Variants in TMOD3 observed in about 807,000 individuals in gnomAD.
TMOD3 encodes the protein tropomodulin 3, also known as tropomodulin-3.
A neutral mutation model predicts 39.2 loss-of-function variants in TMOD3; 20 were observed. The ratio of observed to expected loss-of-function variants is 0.51; its 90% CI spans 0.36 to 0.74. TMOD3 has a LOEUF of 0.74. TMOD3 is among the 30% of genes least tolerant of loss of function. The probability of loss-of-function intolerance (pLI) is 0.00; values close to 1 mark genes in which losing one functional copy is unlikely to be tolerated. For missense variants in TMOD3, 381 were observed against 412.8 expected, an observed-to-expected ratio of 0.92 and a Z score of 0.67; for synonymous variants, 143 against 145.8, an observed-to-expected ratio of 0.98 and a Z score of 0.14.
chr15:51,839,178 T>TTTTTTTTTTTTTTTC (rs2056301402), intron 1 of TMOD3, among the ~76,000 whole-genome samples: 1 of 147,644 alleles, frequency 6.8e-6, no homozygotes, highest in Admixed American at 6.9e-5. Context: ...TTTTTTTTTT[T>TTTTTTTTTTTTTTTC]CCATTTTGTT....
intron 6 of TMOD3, among the ~76,000 whole-genome samples, chr15:51,894,745 G>A (rs753189387): frequency 5.5e-4 from 83 of 152,110 alleles, no homozygotes; most frequent in Non-Finnish European, 1.3e-4. Context: ...TGTCAGATAC[G>A]CTGCAGTTTG....
chr15:51,853,343 G>A lies in TMOD3; in HGVS notation c.-74-9468G>A, dbSNP rs772069293. On this transcript the variant is annotated intron_variant, in intron 1 of 9. Coordinates refer to ENST00000308580, the MANE Select transcript of TMOD3 (RefSeq NM_014547.5). ...CGGCCTCCTACTAGCTGGGCCTACA[G>A]ACGTGGGCCATCATGCCTGGCTAGT... 2.0e-4 allele frequency among the ~76,000 whole-genome samples: 30 copies of A among 152,128 alleles called. 1 individual carries two copies. Among genetic ancestry groups the A allele is most frequent in the Non-Finnish European group, 4.1e-4 (28 of 68,024 alleles).
intron 1 of TMOD3, among the ~76,000 whole-genome samples, chr15:51,832,249 G>A (rs1445954621): frequency 2.0e-5 from 2 of 97,566 alleles, no homozygotes; most frequent in African/African-American, 3.5e-5. Flanking sequence ...CATGGTTCCT[G>A]TCTAGGACCT....
chr15:51,861,148 G>C (rs116493708), intron 1 of TMOD3: 23 of 502,970 alleles, frequency 4.6e-5, no homozygotes, highest in Non-Finnish European at 8.5e-5. Context: ...TCCTTGAAAA[G>C]GGCTCTTTCC....
chr15:51,868,315 C>T (rs77323334), intron 2 of TMOD3, among the ~76,000 whole-genome samples: 1 of 63,734 alleles, frequency 1.6e-5, no homozygotes, highest in African/African-American at 4.3e-5. Context: ...TTAAAAAAAA[C>T]GTTTTAAGTT....
rs1275288660 is a variant in TMOD3 at position 51,913,270 on chromosome 15, C to G, written c.*4460C>G. 2 of 152,230 alleles carry G rather than the reference C, an allele frequency of 1.3e-5. No homozygotes were observed. Among genetic ancestry groups the G allele is most frequent in the African/African-American group, 4.8e-5 (2 of 41,474 alleles). 9.4% of individuals were successfully genotyped at this position (152,230 alleles called of 1,614,324 possible). ...TACAGGCTTGAGCCACCACACTCAG[C>G]CTTATTCTTATATTTTAATTTGGTC... On this transcript the variant is annotated 3_prime_UTR_variant, in exon 10 of 10. Transcript: ENST00000308580.
At chr15:51,877,337 A>G (rs7176421) in intron 3 of TMOD3, among the ~76,000 whole-genome samples, 28,283 of 152,036 alleles carry the variant, frequency 0.19, 3,573 homozygotes, top group East Asian at 0.55. Context: ...TCTGGGGTGC[A>G]GTTAAGTTAC....
At chr15:51,895,260 A>C (rs917037183) in intron 6 of TMOD3, among the ~76,000 whole-genome samples, 3 of 145,766 alleles carry the variant, frequency 2.1e-5, no homozygotes, top group African/African-American at 7.7e-5. Context: ...TCTGTTGCCC[A>C]GGCTGGAGTG....
rs1364864096 is a variant in TMOD3 at position 51,868,634 on chromosome 15, G to A, written c.127-583G>A. On this transcript the variant is annotated intron_variant, in intron 2 of 9. Transcript: ENST00000308580. ...TATCCCAGAACACTTAAAAACTAAA[G>A]ATTGTTTTCTGCTAGTAGAATCCTC... Among the ~76,000 whole-genome samples the A allele has an allele frequency of 3.3e-5, 5 of 152,156 alleles. No homozygotes were observed. In the South Asian group the frequency reaches 8.3e-4, roughly 25 times the overall value.
chr15:51,902,931 G>A lies in TMOD3; in HGVS notation c.1024+895G>A, dbSNP rs184232491. Among the ~76,000 whole-genome samples, 229 of 152,102 alleles carry A rather than the reference G, an allele frequency of 1.5e-3. 10 individuals carry two copies. Among genetic ancestry groups the A allele is most frequent in the East Asian group, 0.01 (54 of 5,162 alleles). ...CTCCCAAAGTGCTGGGATTACAAGC[G>A]TGAGCCACCGCGCCCGGCCAATTTT... On this transcript the variant is annotated intron_variant, in intron 9 of 9. Coordinates refer to ENST00000308580, the MANE Select transcript of TMOD3 (RefSeq NM_014547.5).
chr15:51,890,337 A>ATTTTT (rs34989450), intron 5 of TMOD3, among the ~76,000 whole-genome samples: 3 of 128,238 alleles, frequency 2.3e-5, no homozygotes, highest in Non-Finnish European at 4.9e-5. Flanking sequence ...TGTCCAGCTA[A>ATTTTT]TTTTTTTTTT....
chr15:51,888,312 A>T (rs1196716276), intron 4 of TMOD3, among the ~76,000 whole-genome samples: 2 of 152,250 alleles, frequency 1.3e-5, no homozygotes, highest in African/African-American at 4.8e-5. Context: ...TAACCCCAGG[A>T]ACTAATAAAT....
chr15:51,915,649 G>T lies in TMOD3; in HGVS notation c.*6839G>T, dbSNP rs529756537. 1 of 152,222 alleles carries T rather than the reference G, an allele frequency of 6.6e-6. No homozygotes were observed. Among genetic ancestry groups the T allele is most frequent in the African/African-American group, 2.4e-5 (1 of 41,518 alleles). The allele number at this position is 152,222 out of a possible 1,614,324, so 9.4% of individuals were successfully genotyped here. On this transcript the variant is annotated 3_prime_UTR_variant, in exon 10 of 10. Transcript: ENST00000308580. ...CAGTGAAGTTTCTTTTGAAGACTATGTACTGGAAGCATTTAGAACTTACCA... is the reference window on the plus strand; with the variant it reads ...CAGTGAAGTTTCTTTTGAAGACTATTTACTGGAAGCATTTAGAACTTACCA...
intron 9 of TMOD3, among the ~76,000 whole-genome samples, chr15:51,907,851 GA>G (rs1434685511): frequency 6.6e-6 from 1 of 152,190 alleles, no homozygotes; most frequent in Non-Finnish European, 1.5e-5. Context: ...ACCAGTCCAG[GA>G]AGAGGCTGGT....
intron 5 of TMOD3, 55 bp from the exon 6 acceptor site, chr15:51,893,760 G>C (rs536131177): frequency 1.3e-5 from 17 of 1,353,922 alleles, no homozygotes; most frequent in Non-Finnish European, 1.6e-5. Context: ...GCGAGACTCC[G>C]TCTCAAAAAA....
chr15:51,899,983 A>G (rs555507700), intron 7 of TMOD3, among the ~76,000 whole-genome samples, 172 bp from the exon 8 acceptor site: 3 of 152,240 alleles, frequency 2.0e-5, no homozygotes, highest in African/African-American at 4.8e-5. Context: ...CCAACCCCCA[A>G]CAAATACTGA....
chr15:51,889,071 AC>A lies in TMOD3; in HGVS notation c.423del (p.His141GlnfsTer3). On this transcript the variant is annotated frameshift_variant, in exon 5 of 10. Coordinates refer to ENST00000308580, the MANE Select transcript of TMOD3 (RefSeq NM_014547.5). LOFTEE classifies it high-confidence loss of function. Reference protein sequence around the residue: ...LCDLAAILGMHNLITNTKFCN... With the variant: ...LCDLAAILGMXNLITNTKFCN... Reference sequence around the variant, plus strand: ...GTATTTATAGCAATTCTTGGGATGCACAATTTGATAACGAATACAAAGTTCT... The same window carrying A: ...GTATTTATAGCAATTCTTGGGATGCAAATTTGATAACGAATACAAAGTTCT... The A allele has an allele frequency of 6.3e-7, 1 of 1,583,154 alleles. No individual in the cohort carries two copies. Among genetic ancestry groups the A allele is most frequent in the Non-Finnish European group, 8.5e-7 (1 of 1,170,142 alleles).
At chr15:51,863,468 A>G (rs1487400933) in intron 2 of TMOD3, among the ~76,000 whole-genome samples, 1 of 152,216 alleles carries the variant, frequency 6.6e-6, no homozygotes, top group Non-Finnish European at 1.5e-5. Context: ...ATTTCCAGAC[A>G]TTGGTAGAAT....
At chr15:51,886,710 G>A (rs986487134) in intron 3 of TMOD3, among the ~76,000 whole-genome samples, 2 of 151,822 alleles carry the variant, frequency 1.3e-5, no homozygotes, top group South Asian at 2.1e-4. Context: ...GAGGGAGACC[G>A]TGGAGAGAGG....
Sources: allele counts gnomAD v4.1 joint callset (sites outside exome capture counted in the v4.1 genomes callset), GRCh38; gene constraint gnomAD v4.1.1; transcripts MANE v1.5; gene names NCBI Gene and HGNC (gene_info 2026-07-23, HGNC 2026-07-21).